The following SMIM17 variants were observed in gnomAD, a reference collection of about 807,000 sequenced individuals.
The protein encoded by SMIM17 is small integral membrane protein 17.
In SMIM17, 10 loss-of-function variants were observed where a neutral mutation model predicts 12.2. That is an observed-to-expected ratio of 0.82 (90% CI 0.50 to 1.39). The LOEUF is 1.39. SMIM17 is among the 40% of genes most tolerant of loss of function. The pLI is 0.00. For missense variants in SMIM17, 136 were observed against 118.2 expected (o/e 1.15, Z -0.70); for synonymous variants, 50 against 44.1 (o/e 1.13, Z -0.53).
intron 3 of SMIM17, among the ~76,000 whole-genome samples, chr19:56,651,858 C>T (rs768275620): frequency 2.0e-5 from 3 of 152,034 alleles, no homozygotes; most frequent in Non-Finnish European, 4.4e-5. Flanking sequence ...AATCGCAGCA[C>T]TTTGGGAGGC....
At chr19:56,654,756 G>A (rs370045136) in intron 3 of SMIM17, among the ~76,000 whole-genome samples, 1 of 152,170 alleles carries the variant, frequency 6.6e-6, no homozygotes, top group Non-Finnish European at 1.5e-5. Flanking sequence ...AATAGGCAGT[G>A]AGATATATAG....
intron 3 of SMIM17, among the ~76,000 whole-genome samples, chr19:56,648,198 A>G (rs997272905): frequency 7.6e-6 from 1 of 130,810 alleles, no homozygotes; most frequent in South Asian, 2.5e-4. Flanking sequence ...ACCCATCCCT[A>G]TACCTCAGCT....
intron 3 of SMIM17, among the ~76,000 whole-genome samples, chr19:56,648,436 G>A (rs1406705481): frequency 6.6e-6 from 1 of 151,560 alleles, no homozygotes; most frequent in Non-Finnish European, 1.5e-5. Context: ...CATATATCCA[G>A]TTATCCATAT....
rs2045156494 is a variant in SMIM17, at chr19:56,656,991, G to A, written c.*1778G>A. ...TTAACTCAGTATCGTCAATTATATT[G>A]TTCAGATTCATGTGTTATCTAATTT... On this transcript the variant is annotated 3_prime_UTR_variant, in exon 4 of 4. Coordinates refer to ENST00000598409, the MANE Select transcript of SMIM17 (RefSeq NM_001193628.2). Among the ~76,000 whole-genome samples the A allele has an allele frequency of 6.6e-6, 1 of 152,052 alleles. No individual in the cohort carries two copies. The highest frequency in any genetic ancestry group is 6.6e-5 in the Admixed American group (1 of 15,256).
chr19:56,647,789 G>A (rs1379832281), intron 3 of SMIM17, among the ~76,000 whole-genome samples, 155 bp downstream of exon 3: 3 of 151,994 alleles, frequency 2.0e-5, no homozygotes, highest in East Asian at 1.9e-4. Flanking sequence ...GACACAGACT[G>A]GAGGGTCTCC....
chr19:56,653,011 AT>A (rs1160946512), intron 3 of SMIM17, among the ~76,000 whole-genome samples: 6 of 152,206 alleles, frequency 3.9e-5, no homozygotes, highest in Non-Finnish European at 8.8e-5. Context: ...TATTTATTAC[AT>A]TTTCTTAACT....
chr19:56,646,225 C>G (rs530649239), intron 2 of SMIM17, among the ~76,000 whole-genome samples: 24 of 152,260 alleles, frequency 1.6e-4, no homozygotes, highest in African/African-American at 5.5e-4. Context: ...CAGGATTTTT[C>G]AGGGTTATCC....
At chr19:56,645,947 A>T (rs1418259172) in intron 2 of SMIM17, 111 bp downstream of exon 2, 2 of 1,192,666 alleles carry the variant, frequency 1.7e-6, no homozygotes, top group Non-Finnish European at 2.3e-6. Context: ...ACAGCTATTC[A>T]TGGAGCACTG....
At chr19:56,646,408 C>G (rs73934511) in intron 2 of SMIM17, among the ~76,000 whole-genome samples, 2 of 152,120 alleles carry the variant, frequency 1.3e-5, no homozygotes, top group Non-Finnish European at 2.9e-5. Flanking sequence ...TTCTCCTCCC[C>G]GGACGATTTT....
intron 3 of SMIM17, among the ~76,000 whole-genome samples, chr19:56,648,558 A>C (rs1449141643): frequency 1.3e-5 from 2 of 152,058 alleles, no homozygotes; most frequent in Non-Finnish European, 2.9e-5. Context: ...TCATCCCTCT[A>C]CTACCTGTTG....
chr19:56,651,647 T>C (rs2045110120), intron 3 of SMIM17, among the ~76,000 whole-genome samples: 2 of 152,022 alleles, frequency 1.3e-5, no homozygotes, highest in African/African-American at 2.4e-5. Context: ...GTGTGAGAAG[T>C]TGGGGTAGTG....
chr19:56,647,434 AGAGAGAGAGAG>A (rs2045073068), intron 2 of SMIM17, 113 bp from the exon 3 acceptor site: 2 of 514,446 alleles, frequency 3.9e-6, no homozygotes, highest in African/African-American at 4.1e-5. Context: ...AGAGAGAGAG[AGAGAGAGAGAG>A]AGAGAGGAGG....
intron 3 of SMIM17, among the ~76,000 whole-genome samples, chr19:56,649,261 G>A (rs2045090913): frequency 6.6e-6 from 1 of 152,228 alleles, no homozygotes; most frequent in African/African-American, 2.4e-5. Context: ...GGGCAGAGCA[G>A]TGGGAGGTTT....
chr19:56,651,365 C>A (rs1037558777), intron 3 of SMIM17, among the ~76,000 whole-genome samples: 1 of 152,086 alleles, frequency 6.6e-6, no homozygotes, highest in East Asian at 1.9e-4. Context: ...CCTCTCTCTC[C>A]CTGTTCTCCT....
At chr19:56,654,841 T>C (rs1468548162) in intron 3 of SMIM17, among the ~76,000 whole-genome samples, 1 of 152,220 alleles carries the variant, frequency 6.6e-6, no homozygotes. Context: ...AGAGCATAGA[T>C]GGTATGTTAA....
At chr19:56,645,952 G>A (rs1806534207) in intron 2 of SMIM17, 116 bp downstream of exon 2, 2 of 1,157,094 alleles carry the variant, frequency 1.7e-6, no homozygotes, top group South Asian at 3.5e-5. Context: ...TATTCATGGA[G>A]CACTGTGTCA....
At chr19:56,654,548 C>A (rs1448468036) in intron 3 of SMIM17, among the ~76,000 whole-genome samples, 1 of 152,150 alleles carries the variant, frequency 6.6e-6, no homozygotes, top group Admixed American at 6.5e-5. Flanking sequence ...ATAAAGCCAA[C>A]AGTACTTGCT....
At chr19:56,647,420 TGAGAGAGAGAGAGA>T (rs72370552) in intron 2 of SMIM17, 124 bp from the exon 3 acceptor site, 6,373 of 541,404 alleles carry the variant, frequency 0.012, no homozygotes, top group Middle Eastern at 0.02. Context: ...AGAAGGAGGG[TGAGAGAGAGAGAGA>T]GAGAGAGAGA....
intron 3 of SMIM17, among the ~76,000 whole-genome samples, chr19:56,652,717 C>A (rs946874382): frequency 2.0e-5 from 3 of 151,072 alleles, no homozygotes; most frequent in African/African-American, 7.3e-5. Flanking sequence ...AGTGGAGTGG[C>A]CTTTTGTATC....
Sources: allele counts gnomAD v4.1 joint callset (sites outside exome capture counted in the v4.1 genomes callset), GRCh38; gene constraint gnomAD v4.1.1; transcripts MANE v1.5; gene names NCBI Gene and HGNC (gene_info 2026-07-23, HGNC 2026-07-21).